The following SORCS2 variants were observed in gnomAD, a reference collection of about 807,000 sequenced individuals.
SORCS2 encodes the protein sortilin related VPS10 domain containing receptor 2.
Under a neutral mutation model 141.6 loss-of-function variants are expected in SORCS2, and 100 were observed. The ratio of observed to expected loss-of-function variants is 0.71; its 90% CI spans 0.60 to 0.83. The LOEUF (loss-of-function observed/expected upper bound fraction) is 0.83, where lower values mean the gene tolerates loss of function less well. SORCS2 is among the 40% of genes least tolerant of loss of function. SORCS2 has a pLI of 0.00. For synonymous variants in SORCS2, 789 were observed against 676.9 expected (o/e 1.17, Z -2.57); for missense variants, 1,646 against 1,560.2 (o/e 1.05, Z -0.93).
intron 2 of SORCS2, among the ~76,000 whole-genome samples, chr4:7,504,645 G>C (rs934588080): frequency 1.3e-5 from 2 of 152,220 alleles, no homozygotes; most frequent in African/African-American, 4.8e-5. Flanking sequence ...TGGTCACACA[G>C]AGCCACATTT....
chr4:7,645,159 T>C (rs1364290046), intron 4 of SORCS2, among the ~76,000 whole-genome samples: 1 of 152,192 alleles, frequency 6.6e-6, no homozygotes, highest in East Asian at 1.9e-4. Context: ...ATCTATTGAC[T>C]GTGGGTATGA....
chr4:7,195,530 A>G (rs1269426424), intron 1 of SORCS2, among the ~76,000 whole-genome samples: 1 of 152,200 alleles, frequency 6.6e-6, no homozygotes, highest in Non-Finnish European at 1.5e-5. Context: ...GATCATCCTG[A>G]ACCTCAGGGA....
chr4:7,386,205 GCA>G (rs1299663953), intron 1 of SORCS2, among the ~76,000 whole-genome samples: 1 of 98,028 alleles, frequency 1.0e-5, no homozygotes, highest in Non-Finnish European at 2.0e-5. Flanking sequence ...ATACACATTT[GCA>G]CACACGCACA....
intron 8 of SORCS2, among the ~76,000 whole-genome samples, chr4:7,668,789 G>T (rs1013097989): frequency 6.6e-6 from 1 of 152,192 alleles, no homozygotes; most frequent in Non-Finnish European, 1.5e-5. Context: ...CATCTGGGAA[G>T]CCTTCCCTCG....
chr4:7,195,465 C>T (rs551376583), intron 1 of SORCS2, among the ~76,000 whole-genome samples: 4 of 152,238 alleles, frequency 2.6e-5, no homozygotes, highest in African/African-American at 4.8e-5. Flanking sequence ...CAACACCTTC[C>T]ACTCCTGCCT....
intron 2 of SORCS2, among the ~76,000 whole-genome samples, chr4:7,511,287 GAGA>G (rs1305235003): frequency 1.3e-5 from 2 of 151,736 alleles, no homozygotes; most frequent in Non-Finnish European, 2.9e-5. Context: ...CAGAGAGAGA[GAGA>G]AGGAGGGAGA....
rs547262606 is a variant in SORCS2, at chr4:7,427,157, C to T, written c.548+30802C>T. 7.9e-5 allele frequency among the ~76,000 whole-genome samples: 12 copies of T among 152,044 alleles called. No homozygotes were observed. The South Asian group carries it at 8.4e-4, about 11-fold the overall frequency. On this transcript the variant is annotated intron_variant, in intron 2 of 26. Coordinates refer to ENST00000507866, the MANE Select transcript of SORCS2 (RefSeq NM_020777.3). ...TGGCGCAGCCGGAGCTCCAGGGTAGCGTTAATGGCAGCATATCCATTGTGG... is the reference window on the plus strand; with the variant it reads ...TGGCGCAGCCGGAGCTCCAGGGTAGTGTTAATGGCAGCATATCCATTGTGG...
chr4:7,598,284 A>G (rs549096311), intron 3 of SORCS2, among the ~76,000 whole-genome samples: 1 of 152,106 alleles, frequency 6.6e-6, no homozygotes, highest in African/African-American at 2.4e-5. Context: ...CTTTTATGAA[A>G]CAGAGTGAGG....
At chr4:7,655,202 T>TACACACAC (rs144046004) in intron 5 of SORCS2, among the ~76,000 whole-genome samples, 171 of 148,980 alleles carry the variant, frequency 1.1e-3, no homozygotes, top group African/African-American at 4.1e-3. Flanking sequence ...CTTGTGCGTG[T>TACACACAC]ACACACACAC....
intron 1 of SORCS2, among the ~76,000 whole-genome samples, chr4:7,302,992 G>T (rs1717545041): frequency 6.6e-6 from 1 of 152,192 alleles, no homozygotes; most frequent in Non-Finnish European, 1.5e-5. Flanking sequence ...TCACCTCCAA[G>T]CCTCCGTGGA....
At chr4:7,388,081 CACACAT>C (rs1446326466) in intron 1 of SORCS2, among the ~76,000 whole-genome samples, 1 of 147,724 alleles carries the variant, frequency 6.8e-6, no homozygotes, top group Non-Finnish European at 1.5e-5. Context: ...GAGATACACA[CACACAT>C]GCACACACAT....
intron 8 of SORCS2, among the ~76,000 whole-genome samples, chr4:7,673,332 A>G (rs6814555): frequency 0.024 from 3,652 of 152,352 alleles, 164 homozygotes; most frequent in African/African-American, 0.084. Flanking sequence ...TGTCATGGAA[A>G]TAACCAGAGA....
intron 1 of SORCS2, among the ~76,000 whole-genome samples, chr4:7,298,519 G>A (rs1311886814): frequency 1.3e-5 from 2 of 152,202 alleles, no homozygotes; most frequent in Non-Finnish European, 2.9e-5. Flanking sequence ...TGACCAGGGT[G>A]CCCCAGCAGC....
At chr4:7,676,002 C>T (rs1482792155) in intron 8 of SORCS2, 48 bp from the exon 9 acceptor site, 3 of 1,542,278 alleles carry the variant, frequency 1.9e-6, no homozygotes, top group Non-Finnish European at 2.6e-6. Context: ...CTCCCTCGTG[C>T]AGCCCCCAGC....
At chr4:7,715,450 G>A in intron 17 of SORCS2, 139 bp downstream of exon 17, 1 of 1,275,324 alleles carries the variant, frequency 7.8e-7, no homozygotes, top group Non-Finnish European at 1.1e-6. Flanking sequence ...CAAAGTTGAG[G>A]ATGCCCCACG....
chr4:7,595,558 C>A (rs1272065818), intron 3 of SORCS2, among the ~76,000 whole-genome samples: 3 of 149,078 alleles, frequency 2.0e-5, no homozygotes, highest in African/African-American at 7.4e-5. Flanking sequence ...CATCTCATTA[C>A]CATACGAAAG....
At chr4:7,569,708 C>T (rs567557408) in intron 3 of SORCS2, among the ~76,000 whole-genome samples, 41 of 152,182 alleles carry the variant, frequency 2.7e-4, no homozygotes, top group African/African-American at 7.5e-4. Flanking sequence ...AGGGCGGGGC[C>T]GTCTGCATAT....
chr4:7,476,711 C>T (rs1257359456), intron 2 of SORCS2, among the ~76,000 whole-genome samples: 1 of 152,208 alleles, frequency 6.6e-6, no homozygotes, highest in African/African-American at 2.4e-5. Context: ...CCTCTCCAAT[C>T]ATGAACCCTC....
At chr4:7,331,859 C>T (rs1719674900) in intron 1 of SORCS2, among the ~76,000 whole-genome samples, 1 of 152,168 alleles carries the variant, frequency 6.6e-6, no homozygotes, top group Admixed American at 6.5e-5. Flanking sequence ...CAGGTGGGGA[C>T]ACTGAGGCTG....
Sources: gnomAD v4.1 joint callset for allele counts (sites outside exome capture counted in the v4.1 genomes callset) on GRCh38, gnomAD v4.1.1 for gene constraint, MANE v1.5 for transcripts, NCBI Gene and HGNC (gene_info 2026-07-23, HGNC 2026-07-21) for gene names.